ST8SIA2: variants seen among roughly 807,000 people sequenced by gnomAD.
ST8SIA2 encodes the protein ST8 alpha-N-acetyl-neuraminide alpha-2,8-sialyltransferase 2, also known as alpha-2,8-sialyltransferase 8B.
ST8SIA2 carries 22 observed loss-of-function variants against 37.6 expected under a neutral mutation model. The observed-to-expected ratio is 0.58, with a 90% CI of 0.42 to 0.83. The LOEUF is 0.83. Ranked by LOEUF, ST8SIA2 falls within the 40% of genes least tolerant of loss-of-function variation. The probability of loss-of-function intolerance (pLI) is 0.00; values close to 1 mark genes in which losing one functional copy is unlikely to be tolerated. For missense variants in ST8SIA2, 382 were observed against 484.7 expected (o/e 0.79, Z 1.99); for synonymous variants, 205 against 201.2 (o/e 1.02, Z -0.16).
At position 92,413,944 on chromosome 15, in the gene ST8SIA2, ACC is replaced by A. The variant is rs1378234644; in HGVS notation, c.99-16103_99-16102del. On this transcript the variant is annotated intron_variant, in intron 1 of 5. Coordinates refer to ENST00000268164, the MANE Select transcript of ST8SIA2 (RefSeq NM_006011.4). Reference sequence around the variant, plus strand: ...GCACCGTCTATAGGCACCAGCCCAGACCCTGGGGGCTAATAGGCTGTGACTTT... The same window carrying A: ...GCACCGTCTATAGGCACCAGCCCAGACTGGGGGCTAATAGGCTGTGACTTT... 3.9e-5 allele frequency among the ~76,000 whole-genome samples: 6 copies of A among 152,234 alleles called. No homozygotes were observed. The East Asian group carries it at 1.2e-3, about 29-fold the overall frequency.
intron 3 of ST8SIA2, among the ~76,000 whole-genome samples, chr15:92,436,123 G>A (rs1596241939): frequency 2.0e-5 from 3 of 152,114 alleles, no homozygotes; most frequent in African/African-American, 7.2e-5. Context: ...GGGTAATCCA[G>A]GATCTAATCT....
chr15:92,464,632 C>A lies in ST8SIA2; in HGVS notation c.*247C>A. 1.8e-6 allele frequency: 1 copy of A among 548,002 alleles called. No homozygotes were observed. The highest frequency in any genetic ancestry group is 2.2e-5 in the South Asian group (1 of 45,946). 33.9% of individuals were successfully genotyped at this position (548,002 alleles called of 1,614,324 possible). A position where few individuals can be genotyped will look rare whatever the true frequency, so the allele number is the denominator to read the frequency against. ...CAGGAAGAAGGTGTGGAGAACCCAC[C>A]TGAACCAGATTGAGACTCAATCCAT... On this transcript the variant is annotated 3_prime_UTR_variant, in exon 6 of 6. Coordinates refer to ENST00000268164, the MANE Select transcript of ST8SIA2 (RefSeq NM_006011.4).
intron 2 of ST8SIA2, among the ~76,000 whole-genome samples, chr15:92,433,133 A>G (rs1596240579): frequency 6.6e-6 from 1 of 151,652 alleles, no homozygotes; most frequent in East Asian, 1.9e-4. Context: ...CTGTCTCCAA[A>G]AAAAAAAAAA....
intron 1 of ST8SIA2, among the ~76,000 whole-genome samples, chr15:92,412,812 C>A (rs2049559207): frequency 6.6e-6 from 1 of 152,114 alleles, no homozygotes; most frequent in Non-Finnish European, 1.5e-5. Flanking sequence ...CGCATGCCAC[C>A]ACACCCAGCT....
At chr15:92,462,358 C>A (rs1408616415) in intron 5 of ST8SIA2, among the ~76,000 whole-genome samples, 1 of 152,168 alleles carries the variant, frequency 6.6e-6, no homozygotes, top group Non-Finnish European at 1.5e-5. Flanking sequence ...AGGCTAACAC[C>A]TCCTACAAAC....
chr15:92,439,288 G>A (rs937417966), intron 4 of ST8SIA2, among the ~76,000 whole-genome samples: 4 of 150,792 alleles, frequency 2.7e-5, no homozygotes, highest in Non-Finnish European at 5.9e-5. Context: ...GGAAGTGCGG[G>A]AGTAACAGAG....
chr15:92,404,574 C>T lies in ST8SIA2; in HGVS notation c.98+10412C>T, dbSNP rs138211688. On this transcript the variant is annotated intron_variant, in intron 1 of 5. Coordinates refer to ENST00000268164, the MANE Select transcript of ST8SIA2 (RefSeq NM_006011.4). The stretch of plus-strand genomic sequence containing the variant: ...TGGTGGCTCACACCTGTAATCTCAA[C>T]ACTTTGGGAGGCCGAGGTGGGTGGA... Among the ~76,000 whole-genome samples the T allele has an allele frequency of 6.2e-3, 931 of 151,062 alleles. 11 individuals are homozygous for T. The highest frequency in any genetic ancestry group is 0.021 in the African/African-American group (872 of 41,050).
chr15:92,405,429 C>A (rs2049501380), intron 1 of ST8SIA2, among the ~76,000 whole-genome samples: 1 of 152,252 alleles, frequency 6.6e-6, no homozygotes, highest in African/African-American at 2.4e-5. Flanking sequence ...ATATGAATGT[C>A]TTAATGCTAC....
intron 5 of ST8SIA2, among the ~76,000 whole-genome samples, chr15:92,460,878 G>A (rs553280332): frequency 2.0e-5 from 3 of 152,260 alleles, no homozygotes; most frequent in Admixed American, 6.5e-5. Flanking sequence ...CTCAATCCTC[G>A]TGCCCTGTGT....
chr15:92,459,186 C>T (rs2049940736), intron 5 of ST8SIA2, among the ~76,000 whole-genome samples: 1 of 152,226 alleles, frequency 6.6e-6, no homozygotes, highest in Non-Finnish European at 1.5e-5. Flanking sequence ...AAGCCTTCCC[C>T]TACTAAGACC....
Position 92,411,463 on chromosome 15 carries a change from A to G in ST8SIA2, c.98+17301A>G, listed in dbSNP as rs114130709. Reference sequence around the variant, plus strand: ...TCTCGGGACAGTCAGTAACAGCTGCATGAACAACTGAGCCCACTGTGGGTG... The same window carrying G: ...TCTCGGGACAGTCAGTAACAGCTGCGTGAACAACTGAGCCCACTGTGGGTG... On this transcript the variant is annotated intron_variant, in intron 1 of 5. Transcript: ENST00000268164. 9.1e-3 allele frequency among the ~76,000 whole-genome samples: 1,383 copies of G among 152,316 alleles called. 16 individuals carry two copies. Among genetic ancestry groups the G allele is most frequent in the African/African-American group, 0.03 (1,265 of 41,562 alleles).
intron 5 of ST8SIA2, among the ~76,000 whole-genome samples, chr15:92,452,198 C>T (rs1278070400): frequency 1.3e-5 from 2 of 152,156 alleles, no homozygotes; most frequent in Non-Finnish European, 2.9e-5. Flanking sequence ...CATTCATGGT[C>T]CCCAGACCAG....
chr15:92,431,170 AT>A (rs1168261576), intron 2 of ST8SIA2, among the ~76,000 whole-genome samples: 6 of 152,198 alleles, frequency 3.9e-5, no homozygotes. Context: ...CTGTTCTATT[AT>A]GAAATGATGC....
chr15:92,457,631 T>G (rs180720080), intron 5 of ST8SIA2, among the ~76,000 whole-genome samples: 143 of 152,296 alleles, frequency 9.4e-4, no homozygotes, highest in African/African-American at 3.3e-3. Context: ...AAAGGAATAG[T>G]CTTCAAGTCG....
intron 1 of ST8SIA2, among the ~76,000 whole-genome samples, chr15:92,401,474 A>G (rs1016092265): frequency 2.6e-5 from 4 of 152,154 alleles, no homozygotes; most frequent in Non-Finnish European, 5.9e-5. Context: ...TTTGGCTGTC[A>G]CTGACTTCGC....
At chr15:92,428,613 A>G (rs2049693481) in intron 1 of ST8SIA2, among the ~76,000 whole-genome samples, 1 of 152,214 alleles carries the variant, frequency 6.6e-6, no homozygotes, top group Non-Finnish European at 1.5e-5. Flanking sequence ...AGCTGACCCG[A>G]CATTCCCGGA....
intron 4 of ST8SIA2, among the ~76,000 whole-genome samples, chr15:92,442,812 G>T (rs933737857): frequency 4.6e-5 from 7 of 152,300 alleles, no homozygotes; most frequent in Admixed American, 6.5e-5. Context: ...ATGGGAAGAC[G>T]CGATATTTTA....
At chr15:92,462,801 C>T (rs2049966630) in intron 5 of ST8SIA2, among the ~76,000 whole-genome samples, 1 of 152,290 alleles carries the variant, frequency 6.6e-6, no homozygotes, top group South Asian at 2.1e-4. Flanking sequence ...ATAAGCATTG[C>T]CTTTTAAGGG....
Position 92,467,729 on chromosome 15 carries a change from T to C in ST8SIA2, c.*3344T>C, listed in dbSNP as rs1292239601. On this transcript the variant is annotated 3_prime_UTR_variant, in exon 6 of 6. Transcript: ENST00000268164. ...TTCTCCTTGTCCCACCACATGGACA[T>C]GCCTTACACTGGCGTCCTCTCCTGA... The C allele has an allele frequency of 1.3e-5, 2 of 152,546 alleles. No homozygotes were observed. Among genetic ancestry groups the C allele is most frequent in the Non-Finnish European group, 2.9e-5 (2 of 68,114 alleles). The allele number at this position is 152,546 out of a possible 1,614,324, so 9.4% of individuals were successfully genotyped here.
Sources: gnomAD v4.1 joint callset for allele counts (sites outside exome capture counted in the v4.1 genomes callset) on GRCh38, gnomAD v4.1.1 for gene constraint, MANE v1.5 for transcripts, NCBI Gene and HGNC (gene_info 2026-07-23, HGNC 2026-07-21) for gene names.